The following ASIC4 variants were observed in gnomAD, a reference collection of about 807,000 sequenced individuals.
The protein encoded by ASIC4 is acid sensing ion channel subunit family member 4.
ASIC4 carries 28 observed loss-of-function variants against 53.4 expected under a neutral mutation model. The ratio of observed to expected loss-of-function variants is 0.52; its 90% confidence interval spans 0.39 to 0.72. The LOEUF is 0.72. Ranked by LOEUF, ASIC4 falls within the 30% of genes least tolerant of loss-of-function variation. The probability of loss-of-function intolerance (pLI) is 0.00; values close to 1 mark genes in which losing one functional copy is unlikely to be tolerated. For missense variants in ASIC4, 649 were observed against 729.7 expected, an observed-to-expected ratio of 0.89 and a Z score of 1.27; for synonymous variants, 289 against 301.4, an observed-to-expected ratio of 0.96 and a Z score of 0.43.
In ASIC4 at chr2:219,516,168, T is replaced by A. The variant is rs1276832167; in HGVS notation, c.582+862T>A. Among the ~76,000 whole-genome samples, 1 of 152,136 alleles carries A rather than the reference T, an allele frequency of 6.6e-6. No individual in the cohort carries two copies. The highest frequency in any genetic ancestry group is 1.5e-5 in the Non-Finnish European group (1 of 67,996). On this transcript the variant is annotated intron_variant, in intron 1 of 9. Transcript: ENST00000358078. The surrounding 1 kb of genome is among the most constrained non-coding windows in gnomAD (Gnocchi z 4.9). The stretch of plus-strand genomic sequence containing the variant: ...CTGTCACTACACTCACATGCACACC[T>A]GCACACCCACACCCAGAGAGCTACT...
chr2:219,513,653 A>G (rs1401592227), upstream of ASIC4, among the ~76,000 whole-genome samples: 1 of 152,088 alleles, frequency 6.6e-6, no homozygotes, highest in African/African-American at 2.4e-5. Context: ...CTTACCCAAC[A>G]GCCCTCCCCC....
upstream of ASIC4, among the ~76,000 whole-genome samples, chr2:219,509,843 C>T (rs1258224373): frequency 6.6e-6 from 1 of 152,156 alleles, no homozygotes; most frequent in Non-Finnish European, 1.5e-5. The surrounding 1 kb of genome is among the most constrained non-coding windows in gnomAD (Gnocchi z 5.2). Context: ...CCTTGTGCTC[C>T]ACTGGCCACC....
upstream of ASIC4, among the ~76,000 whole-genome samples, chr2:219,509,268 T>G (rs1327983288): frequency 6.6e-6 from 1 of 151,052 alleles, no homozygotes; most frequent in East Asian, 2.0e-4. This position sits in a 1 kb window ranked among gnomAD's most constrained non-coding sequence, Gnocchi z 5.2. Context: ...CCACCACATC[T>G]GCTGCATCCG....
upstream of ASIC4, among the ~76,000 whole-genome samples, chr2:219,511,402 C>G (rs75321367): frequency 2.0e-5 from 3 of 150,890 alleles, no homozygotes; most frequent in East Asian, 3.9e-4. The surrounding 1 kb of genome is among the most constrained non-coding windows in gnomAD (Gnocchi z 5.3). Context: ...GCCCCCCCCC[C>G]ACATTCTGCC....
At position 219,535,231 on chromosome 2, in the gene ASIC4, G is replaced by A. The variant is rs1322492541; in HGVS notation, c.1136G>A (p.Arg379His). The A allele has an allele frequency of 3.7e-6, 6 of 1,613,962 alleles. No homozygotes were observed. The highest frequency in any genetic ancestry group is 1.7e-5 in the Admixed American group (1 of 59,998). The change falls in exon 6 of 10, where the codon CGC becomes CAC. Residue 379 changes from arginine to histidine, a missense_variant. Coordinates refer to ENST00000358078, the MANE Select transcript of ASIC4 (RefSeq NM_018674.6). The part of the protein sequence containing the change: ...CFCPTPCNLT[R>H]YGKEISMVRI... ...TGCCCCACCCCCTGCAACCTGACAC[G>A]CTATGGGAAAGAGATCTCCATGGTC... is the stretch of plus-strand genomic sequence containing the variant.
chr2:219,532,132 A>T lies in ASIC4; in HGVS notation c.855+4A>T. 1 of 1,614,076 alleles carries T rather than the reference A, an allele frequency of 6.2e-7. No individual in the cohort carries two copies. The highest frequency in any genetic ancestry group is 8.5e-7 in the Non-Finnish European group (1 of 1,180,020). ...TGTGTCCTGCCAGGAACAGCGGGTGAGCATCTCCTGCTAGGCCCTGGATTG... is the reference window on the plus strand; with the variant it reads ...TGTGTCCTGCCAGGAACAGCGGGTGTGCATCTCCTGCTAGGCCCTGGATTG... On this transcript the variant is annotated splice_donor_region_variant and intron_variant, in intron 3 of 9. Transcript: ENST00000358078.
In ASIC4 at chr2:219,515,192, C is replaced by T. The variant is rs752059801; in HGVS notation, c.468C>T (p.Arg156=). Residue 156 remains arginine, a synonymous_variant, in exon 1 of 10, where the codon CGC becomes CGT. Transcript: ENST00000358078. ...DRDGHRAAGL[R]YPEPDMVDIL... ...ATGGGCACCGTGCGGCTGGCCTGCG[C>T]TACCCAGAGCCTGACATGGTAGACA... 4 of 1,614,194 alleles carry T rather than the reference C, an allele frequency of 2.5e-6. No homozygotes were observed. Among genetic ancestry groups the T allele is most frequent in the African/African-American group, 2.7e-5 (2 of 75,078 alleles).
At chr2:219,522,243 T>C (rs1248687631) in intron 1 of ASIC4, among the ~76,000 whole-genome samples, 5 of 151,996 alleles carry the variant, frequency 3.3e-5, no homozygotes, top group Admixed American at 2.6e-4. Context: ...AAATGGAGGA[T>C]TGATTTAGGA....
At position 219,516,844 on chromosome 2, in the gene ASIC4, G is replaced by A. The variant is rs1489572753; in HGVS notation, c.582+1538G>A. 1.3e-5 allele frequency: 2 copies of A among 152,466 alleles called. No homozygotes were observed. The highest frequency in any genetic ancestry group is 2.9e-5 in the Non-Finnish European group (2 of 68,212). The allele number at this position is 152,466 out of a possible 1,614,324, so 9.4% of individuals were successfully genotyped here. On this transcript the variant is annotated intron_variant, in intron 1 of 9. Transcript: ENST00000358078. This position sits in a 1 kb window ranked among gnomAD's most constrained non-coding sequence, Gnocchi z 4.9. Reference sequence around the variant, plus strand: ...GAGCAGGAGCATTGTGCAGGGAGAAGAGTCGGGGGCATTGGCCTGTTGTCC... The same window carrying A: ...GAGCAGGAGCATTGTGCAGGGAGAAAAGTCGGGGGCATTGGCCTGTTGTCC...
chr2:219,535,250 C>T lies in ASIC4; in HGVS notation c.1155C>T (p.Ser385=), dbSNP rs758668759. The T allele has an allele frequency of 5.0e-6, 8 of 1,613,928 alleles. No individual in the cohort carries two copies. The Admixed American group carries it at 1.3e-4, about 27-fold the overall frequency. Residue 385 remains serine (S), a synonymous_variant, in exon 6 of 10, where the codon TCC becomes TCT. Coordinates refer to ENST00000358078, the MANE Select transcript of ASIC4 (RefSeq NM_018674.6). ...CNLTRYGKEI[S]MVRIPNRGSA... ...TGACACGCTATGGGAAAGAGATCTC[C>T]ATGGTCAGGATCCCCAACAGGGGCT...
At chr2:219,533,065 C>G (rs1695069489) in intron 5 of ASIC4, 126 bp downstream of exon 5, 1 of 1,090,070 alleles carries the variant, frequency 9.2e-7, no homozygotes, top group Non-Finnish European at 1.4e-6. Flanking sequence ...GGGGGTTGAG[C>G]CTTAGCCCAT....
chr2:219,532,965 C>A, intron 5 of ASIC4, 26 bp downstream of exon 5: 1 of 1,607,868 alleles, frequency 6.2e-7, no homozygotes, highest in Non-Finnish European at 8.5e-7. Flanking sequence ...CCTTTCCTAC[C>A]TCTCCATCAG....
chr2:219,531,363 C>CT (rs1695037925), intron 1 of ASIC4, among the ~76,000 whole-genome samples: 1 of 151,116 alleles, frequency 6.6e-6, no homozygotes, highest in Non-Finnish European at 1.5e-5. Flanking sequence ...AAGACCATAT[C>CT]TCAAAAAAAA....
intron 5 of ASIC4, among the ~76,000 whole-genome samples, chr2:219,534,920 C>A (rs541693054): frequency 1.3e-5 from 2 of 152,208 alleles, no homozygotes; most frequent in Admixed American, 6.5e-5. Context: ...ACGAGGACCC[C>A]CCCCCAGTCC....
In ASIC4 at chr2:219,514,514, G is replaced by T; in HGVS notation, c.-211G>T. The T allele has an allele frequency of 6.4e-7, 1 of 1,551,066 alleles. No individual in the cohort carries two copies. The highest frequency in any genetic ancestry group is 8.7e-7 in the Non-Finnish European group (1 of 1,147,240). On this transcript the variant is annotated 5_prime_UTR_variant, in exon 1 of 10. Transcript: ENST00000358078. ...GAGACAAGCGGCAGCAGAGGCAGCA[G>T]CGGCAGAGGCAGCACCAGGGCTGCG...
At position 219,538,566 on chromosome 2, in the gene ASIC4, G is replaced by A. The variant is rs1695188790; in HGVS notation, c.*520G>A. 1 of 161,566 alleles carries A rather than the reference G, an allele frequency of 6.2e-6. No individual in the cohort carries two copies. Among genetic ancestry groups the A allele is most frequent in the Admixed American group, 5.8e-5 (1 of 17,302 alleles). The allele number at this position is 161,566 out of a possible 1,614,324, so 10.0% of individuals were successfully genotyped here. On this transcript the variant is annotated 3_prime_UTR_variant, in exon 10 of 10. Coordinates refer to ENST00000358078, the MANE Select transcript of ASIC4 (RefSeq NM_018674.6). ...GGCCCAGCTCCCCTCTTGGCAGGGGGAGAGGATGGCCCAGCAGGCCTGGCC... is the reference window on the plus strand; with the variant it reads ...GGCCCAGCTCCCCTCTTGGCAGGGGAAGAGGATGGCCCAGCAGGCCTGGCC...
At chr2:219,528,922 G>C (rs1217291879) in intron 1 of ASIC4, among the ~76,000 whole-genome samples, 2 of 152,118 alleles carry the variant, frequency 1.3e-5, no homozygotes, top group Admixed American at 6.5e-5. Context: ...GTCTAGAGTC[G>C]GGCTGTCTTG....
chr2:219,536,526 C>T lies in ASIC4; in HGVS notation c.1230-540C>T, dbSNP rs537962653. 1.2e-4 allele frequency among the ~76,000 whole-genome samples: 18 copies of T among 151,698 alleles called. No individual in the cohort carries two copies. The highest frequency in any genetic ancestry group is 3.1e-4 in the African/African-American group (13 of 41,374). The stretch of plus-strand genomic sequence containing the variant: ...GGAGTGAAGCTGGGGAGGCGTGAGC[C>T]GGCCTCTGAGGGCCCTGGGTTTGGG... On this transcript the variant is annotated intron_variant, in intron 6 of 9. Coordinates refer to ENST00000358078, the MANE Select transcript of ASIC4 (RefSeq NM_018674.6). The surrounding 1 kb of genome is among the most constrained non-coding windows in gnomAD (Gnocchi z 4.6).
At chr2:219,530,605 GA>G (rs369598482) in intron 1 of ASIC4, among the ~76,000 whole-genome samples, 62 of 152,262 alleles carry the variant, frequency 4.1e-4, no homozygotes, top group African/African-American at 1.5e-3. Flanking sequence ...TGGATGCATG[GA>G]CGGTGACACT....
Sources: allele counts gnomAD v4.1 joint callset (sites outside exome capture counted in the v4.1 genomes callset), GRCh38; gene constraint gnomAD v4.1.1; non-coding constraint Gnocchi (gnomAD v3.1); transcripts MANE v1.5; gene names NCBI Gene and HGNC (gene_info 2026-07-23, HGNC 2026-07-21).